CCDC172: variants seen among roughly 807,000 people sequenced by gnomAD.
CCDC172 encodes the protein coiled-coil domain containing 172, also known as coiled-coil domain-containing protein 172.
CCDC172 carries 30 observed loss-of-function variants against 38.0 expected under a neutral mutation model. The ratio of observed to expected loss-of-function variants is 0.79; its 90% CI spans 0.59 to 1.07. CCDC172 has a LOEUF of 1.07. Among genes scored for constraint, CCDC172 ranks in the 50% least tolerant of loss-of-function variants. The pLI is 0.00. For missense variants in CCDC172, 297 were observed against 290.1 expected, an observed-to-expected ratio of 1.02 and a Z score of -0.17; for synonymous variants, 78 against 88.3, an observed-to-expected ratio of 0.88 and a Z score of 0.66.
At chr10:116,339,419 T>C (rs990628515) in intron 3 of CCDC172, among the ~76,000 whole-genome samples, 1 of 151,874 alleles carries the variant, frequency 6.6e-6, no homozygotes, top group Non-Finnish European at 1.5e-5. Flanking sequence ...CATACCCTAG[T>C]TTCCCCTTGT....
At chr10:116,342,340 TGAA>T in intron 5 of CCDC172, 139 bp downstream of exon 5, 2 of 612,432 alleles carry the variant, frequency 3.3e-6, no homozygotes, top group Non-Finnish European at 5.4e-6. Flanking sequence ...ATTGATTTAA[TGAA>T]GATGTATCTT....
chr10:116,341,901 T>C (rs987399310), intron 4 of CCDC172, 135 bp from the exon 5 acceptor site: 3 of 563,954 alleles, frequency 5.3e-6, no homozygotes, highest in Admixed American at 4.9e-5. Flanking sequence ...GAAAAAAACA[T>C]TTTTGCCATA....
chr10:116,353,576 G>A (rs906566849), intron 5 of CCDC172, among the ~76,000 whole-genome samples: 20 of 152,130 alleles, frequency 1.3e-4, no homozygotes, highest in Admixed American at 5.2e-4. Context: ...TTAAATAGAC[G>A]TTTCCCAAAA....
chr10:116,330,491 AAT>A (rs1844647399), intron 3 of CCDC172, among the ~76,000 whole-genome samples: 1 of 152,200 alleles, frequency 6.6e-6, no homozygotes. Flanking sequence ...AATGTAGACC[AAT>A]GGATTTTATT....
chr10:116,377,399 A>G (rs902150501), intron 7 of CCDC172, among the ~76,000 whole-genome samples: 2 of 152,136 alleles, frequency 1.3e-5, no homozygotes, highest in African/African-American at 4.8e-5. Flanking sequence ...ATCATTTCAA[A>G]TGACAGTCTC....
intron 7 of CCDC172, among the ~76,000 whole-genome samples, chr10:116,376,680 T>C (rs1337588922): frequency 1.3e-5 from 2 of 152,172 alleles, no homozygotes; most frequent in African/African-American, 2.4e-5. Context: ...ATTCTTTCTA[T>C]TGCCTATCTG....
At chr10:116,343,222 T>C (rs1286800788) in intron 5 of CCDC172, among the ~76,000 whole-genome samples, 1 of 152,164 alleles carries the variant, frequency 6.6e-6, no homozygotes, top group Non-Finnish European at 1.5e-5. Context: ...ATGTAGTTGC[T>C]TATGTAACTC....
chr10:116,374,648 T>C (rs74158446), intron 7 of CCDC172, among the ~76,000 whole-genome samples: 10,761 of 151,784 alleles, frequency 0.071, 887 homozygotes, highest in African/African-American at 0.2. Context: ...AAAATGTAAT[T>C]ATTTAAAAAG....
chr10:116,325,642 G>A (rs1844582372), intron 3 of CCDC172, among the ~76,000 whole-genome samples: 1 of 152,144 alleles, frequency 6.6e-6, no homozygotes, highest in Non-Finnish European at 1.5e-5. Flanking sequence ...GGATGGTTAA[G>A]GTTTTAAAAG....
chr10:116,335,436 G>A (rs1297715555), intron 3 of CCDC172, among the ~76,000 whole-genome samples: 1 of 131,570 alleles, frequency 7.6e-6, no homozygotes, highest in African/African-American at 3.1e-5. Context: ...CTCTGGAAGG[G>A]TAATTTCTTT....
intron 7 of CCDC172, among the ~76,000 whole-genome samples, chr10:116,375,492 G>A (rs745463044): frequency 1.6e-3 from 177 of 113,820 alleles, no homozygotes; most frequent in Admixed American, 1.5e-3. Context: ...TCCCCTCCCT[G>A]TGTCCACATG....
chr10:116,332,814 C>T (rs1001916942), intron 3 of CCDC172, among the ~76,000 whole-genome samples: 1 of 151,904 alleles, frequency 6.6e-6, no homozygotes, highest in Admixed American at 6.6e-5. Context: ...GTTTTCAATA[C>T]ACCCATTTCT....
intron 3 of CCDC172, among the ~76,000 whole-genome samples, chr10:116,333,011 G>T (rs1054112830): frequency 6.6e-6 from 1 of 151,922 alleles, no homozygotes; most frequent in African/African-American, 2.4e-5. Context: ...AAAAATTTCA[G>T]CTTGTTCTGT....
intron 7 of CCDC172, among the ~76,000 whole-genome samples, chr10:116,359,946 G>A (rs2134953858): frequency 6.6e-6 from 1 of 152,334 alleles, no homozygotes; most frequent in Admixed American, 6.5e-5. Flanking sequence ...GTGTTTCACA[G>A]TTTAGTGGTC....
chr10:116,376,320 T>C (rs192310555), intron 7 of CCDC172, among the ~76,000 whole-genome samples: 29 of 152,316 alleles, frequency 1.9e-4, no homozygotes, highest in African/African-American at 6.7e-4. Context: ...CTTCTCACTT[T>C]GTTGCTGGCC....
intron 7 of CCDC172, among the ~76,000 whole-genome samples, chr10:116,373,614 C>T (rs1169162076): frequency 6.6e-6 from 1 of 152,226 alleles, no homozygotes; most frequent in African/African-American, 2.4e-5. Context: ...AAGCTGTTCT[C>T]ATGCCTCAGC....
chr10:116,338,893 G>C (rs1004020104), intron 3 of CCDC172, among the ~76,000 whole-genome samples: 2 of 151,988 alleles, frequency 1.3e-5, no homozygotes, highest in African/African-American at 4.8e-5. Flanking sequence ...TGGTATACAT[G>C]GACTTAGAAT....
chr10:116,367,858 A>G (rs573705198), intron 7 of CCDC172, among the ~76,000 whole-genome samples: 2 of 151,418 alleles, frequency 1.3e-5, no homozygotes, highest in South Asian at 2.1e-4. Context: ...TCCTTCTTAT[A>G]TCTAGGAACC....
intron 5 of CCDC172, among the ~76,000 whole-genome samples, 198 bp from the exon 6 acceptor site, chr10:116,357,182 A>G (rs1845007644): frequency 6.6e-6 from 1 of 152,058 alleles, no homozygotes; most frequent in Admixed American, 6.5e-5. Context: ...TTGACTCTGT[A>G]TATTGCTTTG....
Sources: gnomAD v4.1 joint callset for allele counts (sites outside exome capture counted in the v4.1 genomes callset) on GRCh38, gnomAD v4.1.1 for gene constraint, MANE v1.5 for transcripts, NCBI Gene and HGNC (gene_info 2026-07-23, HGNC 2026-07-21) for gene names.